Variants in LIN9 observed in about 807,000 individuals in gnomAD.
The protein encoded by LIN9 is protein lin-9 homolog.
Under a neutral mutation model 78.0 loss-of-function variants are expected in LIN9, and 18 were observed. That is an observed-to-expected ratio of 0.23 (90% confidence interval 0.16 to 0.34). The LOEUF (loss-of-function observed/expected upper bound fraction) is 0.34, where lower values mean the gene tolerates loss of function less well. Ranked by LOEUF, LIN9 falls within the 10% of genes least tolerant of loss-of-function variation. The pLI is 1.00. For synonymous variants in LIN9, 192 were observed against 215.2 expected (o/e 0.89, Z 0.94); for missense variants, 451 against 644.1 (o/e 0.70, Z 3.25).
intron 10 of LIN9, among the ~76,000 whole-genome samples, chr1:226,254,246 G>A (rs1319175927): frequency 6.6e-6 from 1 of 152,298 alleles, no homozygotes; most frequent in South Asian, 2.1e-4. Flanking sequence ...AAAGTGCTGG[G>A]ATTGTAGGTG....
At chr1:226,309,715 T>C, upstream of LIN9, 1 of 1,288,018 alleles carries the variant, frequency 7.8e-7, no homozygotes, top group Non-Finnish European at 1.0e-6. Context: ...CGTCGCGACG[T>C]CCGGGACTCG....
chr1:226,281,729 T>C (rs1558191171), intron 6 of LIN9, among the ~76,000 whole-genome samples: 1 of 151,680 alleles, frequency 6.6e-6, no homozygotes, highest in Non-Finnish European at 1.5e-5. Flanking sequence ...AGTCTCGCTC[T>C]GTTGCCCAGG....
intron 11 of LIN9, among the ~76,000 whole-genome samples, chr1:226,248,308 G>A (rs952745538): frequency 6.6e-6 from 1 of 151,952 alleles, no homozygotes; most frequent in Non-Finnish European, 1.5e-5. Context: ...CTGGATCTAG[G>A]GCCTCTTGTA....
chr1:226,281,574 G>C (rs1000244189), intron 6 of LIN9, among the ~76,000 whole-genome samples: 1 of 151,656 alleles, frequency 6.6e-6, no homozygotes, highest in African/African-American at 2.4e-5. Flanking sequence ...CTGTACACAT[G>C]TACTCCCAAA....
intron 4 of LIN9, among the ~76,000 whole-genome samples, chr1:226,292,971 A>G (rs981733000): frequency 6.6e-6 from 1 of 152,230 alleles, no homozygotes; most frequent in Non-Finnish European, 1.5e-5. Context: ...TGAAGATTAA[A>G]TCAAAGTAAT....
upstream of LIN9, chr1:226,309,313 G>A: frequency 9.8e-7 from 1 of 1,021,560 alleles, no homozygotes; most frequent in Non-Finnish European, 1.2e-6. Context: ...CCTGCCCGGG[G>A]AGGAGGTGCC....
intron 6 of LIN9, 51 bp downstream of exon 6, chr1:226,286,282 C>A (rs1347198464): frequency 6.3e-7 from 1 of 1,577,964 alleles, no homozygotes; most frequent in South Asian, 1.2e-5. Context: ...AGTACATGCA[C>A]TGCTACTGGC....
intron 7 of LIN9, among the ~76,000 whole-genome samples, chr1:226,273,834 C>CTTTTT (rs572172734): frequency 5.1e-5 from 7 of 137,134 alleles, no homozygotes; most frequent in Non-Finnish European, 3.1e-5. Flanking sequence ...CTCAACATTA[C>CTTTTT]TTTTTTTTTT....
intron 10 of LIN9, among the ~76,000 whole-genome samples, chr1:226,264,547 T>C (rs1446020039): frequency 1.3e-5 from 2 of 151,884 alleles, no homozygotes; most frequent in Non-Finnish European, 2.9e-5. Context: ...AACATTTTTA[T>C]TTATAAAGAT....
At chr1:226,283,496 A>G (rs1661203577) in intron 6 of LIN9, among the ~76,000 whole-genome samples, 1 of 151,826 alleles carries the variant, frequency 6.6e-6, no homozygotes, top group South Asian at 2.1e-4. Context: ...AGTTCTTTAT[A>G]TAGTAGGGAA....
chr1:226,294,989 C>T (rs1276152351), intron 4 of LIN9, among the ~76,000 whole-genome samples: 1 of 151,842 alleles, frequency 6.6e-6, no homozygotes, highest in Non-Finnish European at 1.5e-5. Context: ...TTAGTAGAGA[C>T]AGGGTTTCGC....
In LIN9 at chr1:226,232,763, A is replaced by AG. The variant is rs1657421128; in HGVS notation, c.1524-158dup. 35 of 530,172 alleles carry AG rather than the reference A, an allele frequency of 6.6e-5. 2 individuals carry two copies. The South Asian group carries it at 1.0e-3, about 15-fold the overall frequency. The allele number at this position is 530,172 out of a possible 1,614,324, so 32.8% of individuals were successfully genotyped here. ...ATATTAGCCATAATTCTACTTCAGT[A>AG]GTAGTTGAACAAATATGCTCTAAAG... On this transcript the variant is annotated intron_variant, in intron 14 of 14. Transcript: ENST00000681046.
chr1:226,255,489 C>T (rs1015635132), intron 10 of LIN9, among the ~76,000 whole-genome samples: 3 of 152,030 alleles, frequency 2.0e-5, no homozygotes, highest in Non-Finnish European at 2.9e-5. Flanking sequence ...TGACACAGTT[C>T]CTTTTACATA....
chr1:226,255,461 T>C (rs80171900), intron 10 of LIN9, among the ~76,000 whole-genome samples: 206 of 152,294 alleles, frequency 1.4e-3, no homozygotes, highest in African/African-American at 4.7e-3. Flanking sequence ...GTGAAGTTCA[T>C]AGTCCAGAGG....
At chr1:226,277,234 A>C (rs957203845) in intron 7 of LIN9, among the ~76,000 whole-genome samples, 92 of 151,590 alleles carry the variant, frequency 6.1e-4, no homozygotes, top group Admixed American at 9.9e-4. Flanking sequence ...AAAAAAAAAA[A>C]AACTTTAAAA....
chr1:226,296,048 C>T (rs1034126938), intron 3 of LIN9, 102 bp from the exon 4 acceptor site: 2 of 696,194 alleles, frequency 2.9e-6, no homozygotes, highest in East Asian at 5.4e-5. Flanking sequence ...TCTGGATTAT[C>T]AGCAGTATGG....
In LIN9 at chr1:226,294,624, T is replaced by C. The variant is rs141918996; in HGVS notation, c.264+1218A>G. ...CTAATGCTAAATTCTTGGTTGAGAA[T>C]ATCACCTCTACCATCCATTATACTA... On this transcript the variant is annotated intron_variant, in intron 4 of 14. Coordinates refer to ENST00000681046, the MANE Select transcript of LIN9 (RefSeq NM_001366245.2). 4.9e-3 allele frequency among the ~76,000 whole-genome samples: 741 copies of C among 151,900 alleles called. 2 individuals carry two copies. The highest frequency in any genetic ancestry group is 0.041 in the Middle Eastern group (12 of 292).
chr1:226,252,677 A>G (rs1658910384), intron 10 of LIN9, among the ~76,000 whole-genome samples: 1 of 152,170 alleles, frequency 6.6e-6, no homozygotes, highest in African/African-American at 2.4e-5. Flanking sequence ...CGTTGCTTAA[A>G]AAAAAGAAAT....
chr1:226,292,035 TCTA>T (rs946746216), intron 4 of LIN9, among the ~76,000 whole-genome samples: 7 of 152,202 alleles, frequency 4.6e-5, no homozygotes, highest in African/African-American at 1.7e-4. Context: ...GTTATTTCTT[TCTA>T]CTACATTATT....
Sources: allele counts gnomAD v4.1 joint callset (sites outside exome capture counted in the v4.1 genomes callset), GRCh38; gene constraint gnomAD v4.1.1; transcripts MANE v1.5; gene names NCBI Gene and HGNC (gene_info 2026-07-23, HGNC 2026-07-21).